Variants in ARHGAP44 observed in about 807,000 individuals in gnomAD.
The protein encoded by ARHGAP44 is Rho GTPase activating protein 44.
Under a neutral mutation model 106.8 loss-of-function variants are expected in ARHGAP44, and 43 were observed. The ratio of observed to expected loss-of-function variants is 0.40; its 90% confidence interval spans 0.32 to 0.52. ARHGAP44 has a LOEUF of 0.52. ARHGAP44 is among the 20% of genes least tolerant of loss of function. The probability of loss-of-function intolerance (pLI) is 0.48; values close to 1 mark genes in which losing one functional copy is unlikely to be tolerated. For synonymous variants in ARHGAP44, 439 were observed against 410.3 expected, an observed-to-expected ratio of 1.07 and a Z score of -0.85; for missense variants, 866 against 1,050.5, an observed-to-expected ratio of 0.82 and a Z score of 2.43.
At chr17:12,798,422 GT>G (rs972611331) in intron 1 of ARHGAP44, among the ~76,000 whole-genome samples, 2 of 151,916 alleles carry the variant, frequency 1.3e-5, no homozygotes, top group African/African-American at 4.8e-5. Flanking sequence ...ATCACAATGT[GT>G]TTTTTTCTTT....
At chr17:12,895,624 G>A (rs1298053129) in intron 2 of ARHGAP44, among the ~76,000 whole-genome samples, 1 of 152,180 alleles carries the variant, frequency 6.6e-6, no homozygotes, top group Non-Finnish European at 1.5e-5. Context: ...GAGAGGATGT[G>A]GAAAATAGGA....
At chr17:12,871,226 C>G (rs1360429311) in intron 1 of ARHGAP44, among the ~76,000 whole-genome samples, 1 of 152,170 alleles carries the variant, frequency 6.6e-6, no homozygotes, top group Non-Finnish European at 1.5e-5. Context: ...CCCATCAACT[C>G]TCACGTCAAA....
intron 4 of ARHGAP44, among the ~76,000 whole-genome samples, chr17:12,914,241 C>G (rs1185679688): frequency 1.3e-5 from 2 of 152,108 alleles, no homozygotes; most frequent in African/African-American, 4.8e-5. Flanking sequence ...TAATTTGTAT[C>G]CACCAGTTTA....
chr17:12,807,849 G>A (rs1412777828), intron 1 of ARHGAP44, among the ~76,000 whole-genome samples: 2 of 152,192 alleles, frequency 1.3e-5, no homozygotes, highest in African/African-American at 2.4e-5. Context: ...GAAGTCCACA[G>A]TCTAAAGTCT....
Position 12,958,776 on chromosome 17 carries a change from A to G in ARHGAP44, c.1402A>G (p.Asn468Asp). 6.2e-7 allele frequency: 1 copy of G among 1,613,846 alleles called. No homozygotes were observed. The highest frequency in any genetic ancestry group is 8.5e-7 in the Non-Finnish European group (1 of 1,179,850). The change falls in exon 16 of 21, where the codon AAC (asparagine) becomes GAC (aspartate). Residue 468 changes from asparagine to aspartate, a missense_variant. Asn to Asp is a conservative substitution (Grantham distance 23). Around this residue, in one of 2 missense-constraint regions of ARHGAP44, gnomAD observed 448 missense variants for 646.9 expected, o/e 0.69. Coordinates refer to ENST00000379672, the MANE Select transcript of ARHGAP44 (RefSeq NM_014859.6). The surrounding 1 kb of genome is among the most constrained non-coding windows in gnomAD (Gnocchi z 4.1). ...GSPVHVNHNA[N>D]YSSMPSPDMD... ...TCCAGTACACGTGAACCATAATGCC[A>G]ACTACAGCTCAATGCCCTCCCCAGA...
intron 1 of ARHGAP44, among the ~76,000 whole-genome samples, chr17:12,894,699 A>C (rs1040081251): frequency 7.2e-6 from 1 of 138,148 alleles, no homozygotes. Flanking sequence ...ATTTGTTGTC[A>C]TGAATCCAGG....
At chr17:12,962,831 A>T (rs2039295244) in intron 16 of ARHGAP44, among the ~76,000 whole-genome samples, 1 of 152,132 alleles carries the variant, frequency 6.6e-6, no homozygotes, top group East Asian at 1.9e-4. Context: ...GGATCACCTG[A>T]GGCCGAGAGT....
At chr17:12,943,699 G>A (rs1221228089) in intron 9 of ARHGAP44, 30 bp downstream of exon 9, 1 of 1,603,628 alleles carries the variant, frequency 6.2e-7, no homozygotes, top group Non-Finnish European at 8.5e-7. Context: ...GGAGAAGGGA[G>A]GGCCGGGGTG....
chr17:12,952,720 CTCTTT>C, intron 13 of ARHGAP44, 139 bp downstream of exon 13: 10 of 331,166 alleles, frequency 3.0e-5, no homozygotes, highest in South Asian at 2.2e-4. Flanking sequence ...CATGCATGGT[CTCTTT>C]TTTTTTTTTT....
intron 1 of ARHGAP44, among the ~76,000 whole-genome samples, chr17:12,830,896 G>A (rs193059256): frequency 5.3e-5 from 8 of 152,306 alleles, no homozygotes; most frequent in Admixed American, 2.0e-4. Flanking sequence ...TTCAGTTAAG[G>A]TTGTTTAAAG....
At chr17:12,801,789 A>G (rs544048059) in intron 1 of ARHGAP44, among the ~76,000 whole-genome samples, 1 of 152,180 alleles carries the variant, frequency 6.6e-6, no homozygotes, top group East Asian at 1.9e-4. Context: ...TAAGCATAAA[A>G]TGTTATCTCT....
At chr17:12,980,275 T>C in intron 19 of ARHGAP44, 42 bp downstream of exon 19, 1 of 1,556,166 alleles carries the variant, frequency 6.4e-7, no homozygotes, top group Admixed American at 2.0e-5. Flanking sequence ...AGGCCGGAGG[T>C]GGCTGTGACA....
intron 1 of ARHGAP44, among the ~76,000 whole-genome samples, chr17:12,864,394 G>A (rs9891831): frequency 0.012 from 1,771 of 152,176 alleles, 37 homozygotes; most frequent in African/African-American, 0.04. Context: ...ATTTGATACC[G>A]TCAACCACAA....
At chr17:12,989,800 A>G (rs2072260) in intron 20 of ARHGAP44, among the ~76,000 whole-genome samples, 15,035 of 152,212 alleles carry the variant, frequency 0.099, 925 homozygotes, top group Middle Eastern at 0.2. Flanking sequence ...CCTCTGAACC[A>G]CAGTGGCGTA....
chr17:12,862,590 C>T (rs933155421), intron 1 of ARHGAP44, among the ~76,000 whole-genome samples: 7 of 152,122 alleles, frequency 4.6e-5, no homozygotes, highest in African/African-American at 1.7e-4. Flanking sequence ...AGGTTCTTAC[C>T]AGGTCTTTCA....
intron 2 of ARHGAP44, among the ~76,000 whole-genome samples, chr17:12,895,466 G>A (rs1202648803): frequency 6.6e-6 from 1 of 152,138 alleles, no homozygotes; most frequent in Non-Finnish European, 1.5e-5. Flanking sequence ...TTTTTCATGT[G>A]TCTGTTGGCT....
intron 3 of ARHGAP44, among the ~76,000 whole-genome samples, chr17:12,900,223 G>A (rs1214584696): frequency 5.3e-5 from 8 of 151,806 alleles, no homozygotes; most frequent in Non-Finnish European, 1.0e-4. Context: ...TCTGCCTCCC[G>A]GGTTCAAACA....
intron 1 of ARHGAP44, among the ~76,000 whole-genome samples, chr17:12,807,113 C>G (rs2034297027): frequency 6.6e-6 from 1 of 152,142 alleles, no homozygotes; most frequent in African/African-American, 2.4e-5. Context: ...GCACAGGAAC[C>G]ATGTCGTCTC....
At chr17:12,809,429 A>G (rs1275265413) in intron 1 of ARHGAP44, among the ~76,000 whole-genome samples, 3 of 152,336 alleles carry the variant, frequency 2.0e-5, no homozygotes, top group Admixed American at 2.0e-4. Context: ...TGTGGAAGGT[A>G]AAGGAGAAGC....
Sources: allele counts gnomAD v4.1 joint callset (sites outside exome capture counted in the v4.1 genomes callset), GRCh38; gene constraint gnomAD v4.1.1; regional missense constraint gnomAD v4.1.1; non-coding constraint Gnocchi (gnomAD v3.1); transcripts MANE v1.5; gene names NCBI Gene and HGNC (gene_info 2026-07-23, HGNC 2026-07-21).